The following PKD1L3 variants were observed in gnomAD, a reference collection of about 807,000 sequenced individuals.
PKD1L3 encodes the protein polycystin 1 like 3, transient receptor potential channel interacting, also known as polycystin-1-like protein 3.
A neutral mutation model predicts 184.1 loss-of-function variants in PKD1L3; 239 were observed. The ratio of observed to expected loss-of-function variants is 1.30; its 90% CI spans 1.17 to 1.45. The LOEUF (loss-of-function observed/expected upper bound fraction) is 1.45. PKD1L3 is among the 40% of genes most tolerant of loss of function. The pLI, the probability that PKD1L3 is intolerant of heterozygous loss-of-function variation, is 0.00. For missense variants in PKD1L3, 2,660 were observed against 2,067.2 expected (o/e 1.29, Z -5.56); for synonymous variants, 996 against 778.8 (o/e 1.28, Z -4.64).
chr16:71,986,476 G>T lies in PKD1L3; in HGVS notation c.586-7C>A. On this transcript the variant is annotated splice_region_variant and splice_polypyrimidine_tract_variant and intron_variant, in intron 4 of 29. Coordinates refer to ENST00000620267, the MANE Select transcript of PKD1L3 (RefSeq NM_181536.2). ...GATGACACAGGGTCTTGGACTAAAA[G>T]ATAAAAATATGTAAAGGAAAAGACT... The T allele has an allele frequency of 6.5e-7, 1 of 1,544,386 alleles. No individual in the cohort carries two copies. The highest frequency in any genetic ancestry group is 2.0e-5 in the Admixed American group (1 of 50,116).
intron 25 of PKD1L3, among the ~76,000 whole-genome samples, chr16:71,935,940 C>T (rs1209193007): frequency 1.3e-5 from 2 of 152,046 alleles, no homozygotes; most frequent in Non-Finnish European, 2.9e-5. Context: ...GGACCACGAG[C>T]ACATGCCACC....
In PKD1L3 at chr16:71,973,330, T is replaced by A. The variant is rs1415460574; in HGVS notation, c.1947A>T (p.Gly649=). The change falls in exon 12 of 30, where the codon GGA becomes GGT. Residue 649 remains glycine, a synonymous_variant. Coordinates refer to ENST00000620267, the MANE Select transcript of PKD1L3 (RefSeq NM_181536.2). ...EIHNQTWSSA[G]CQVGPQSTIL... ...AAGCGGCTCAGTTTCTTACTTGGCA[T>A]CCGGCGCTGCTCCATGTCTGGTTGT... The A allele has an allele frequency of 6.4e-7, 1 of 1,551,508 alleles. No homozygotes were observed. Among genetic ancestry groups the A allele is most frequent in the Non-Finnish European group, 8.7e-7 (1 of 1,146,994 alleles).
At chr16:71,979,764 T>A in intron 9 of PKD1L3, 22 bp downstream of exon 9, 1 of 1,477,872 alleles carries the variant, frequency 6.8e-7, no homozygotes, top group Non-Finnish European at 8.9e-7. Context: ...TTCATTCTGA[T>A]CACAATCAAT....
At chr16:71,963,109 A>G in intron 16 of PKD1L3, 96 bp downstream of exon 16, 1 of 1,268,890 alleles carries the variant, frequency 7.9e-7, no homozygotes, top group Non-Finnish European at 1.1e-6. Flanking sequence ...ATACATTAAT[A>G]AAATGTTAAT....
chr16:71,970,008 A>G lies in PKD1L3; in HGVS notation c.2051T>C (p.Val684Ala), dbSNP rs2039650341. 1.9e-6 allele frequency: 3 copies of G among 1,551,624 alleles called. No homozygotes were observed. Among genetic ancestry groups the G allele is most frequent in the Non-Finnish European group, 2.6e-6 (3 of 1,147,018 alleles). Residue 684 changes from valine to alanine, a missense_variant, in exon 13 of 30, where the codon GTT becomes GCT. Physicochemically the swap from Val to Ala is moderately conservative, Grantham distance 64. Coordinates refer to ENST00000620267, the MANE Select transcript of PKD1L3 (RefSeq NM_181536.2). ...AAGGAACAGTTTGATCGTGTCTTCA[A>G]CATTCACGGTCCTGGGCACGACAAA... ...DFFVVPRTVN[V>A]EDTIKLFLRV...
rs767911143 is a variant in PKD1L3, at chr16:71,986,429, A to T, written c.626T>A (p.Val209Glu). Residue 209 changes from valine (V) to glutamate (E), a missense_variant, in exon 5 of 30, where the codon GTA becomes GAA. Physicochemically the swap from Val to Glu is moderately radical, Grantham distance 121 (BLOSUM62 -2). Transcript: ENST00000620267. ...TACCTGTGATGTGATACTTGATAGT[A>T]CTGAAGGAAACTGGCTGATGGGATG... ...LCHPISQFPS[V>E]LSSITSQVTS... The T allele has an allele frequency of 6.4e-7, 1 of 1,551,930 alleles. No individual in the cohort carries two copies. Among genetic ancestry groups the T allele is most frequent in the South Asian group, 1.2e-5 (1 of 84,054 alleles).
intron 22 of PKD1L3, among the ~76,000 whole-genome samples, chr16:71,945,000 AAGC>A (rs1194474588): frequency 1.3e-5 from 2 of 151,560 alleles, no homozygotes; most frequent in Admixed American, 6.6e-5. Context: ...GAAAAAAATA[AAGC>A]AGAAGCATGC....
At chr16:71,996,184 T>C (rs1483980811) in intron 2 of PKD1L3, among the ~76,000 whole-genome samples, 1 of 151,630 alleles carries the variant, frequency 6.6e-6, no homozygotes, top group Non-Finnish European at 1.5e-5. Flanking sequence ...ATATGGACGC[T>C]GATACAGTCA....
At chr16:71,937,468 CTCT>C (rs769522332) in intron 24 of PKD1L3, 49 bp from the exon 25 acceptor site, 23 of 1,530,734 alleles carry the variant, frequency 1.5e-5, no homozygotes, top group Non-Finnish European at 4.4e-6. Flanking sequence ...AACTTTTGCC[CTCT>C]TCTTGTTAAA....
intron 2 of PKD1L3, among the ~76,000 whole-genome samples, chr16:71,995,041 T>C (rs2040736226): frequency 6.6e-6 from 1 of 152,142 alleles, no homozygotes; most frequent in Admixed American, 6.6e-5. Context: ...TTAGTCTGTT[T>C]TGCACTGCTA....
rs866693252 is a variant in PKD1L3 at position 71,941,938 on chromosome 16, G to C, written c.4324+622C>G. Among the ~76,000 whole-genome samples, 8 of 151,798 alleles carry C rather than the reference G, an allele frequency of 5.3e-5. No homozygotes were observed. In the South Asian group the frequency reaches 1.7e-3, roughly 32 times the overall value. ...CAAAGAAAAAAACCTAAAAACTTTT[G>C]GGGTTGGGGACTGGGAATCAGCATG... On this transcript the variant is annotated intron_variant, in intron 24 of 29. Transcript: ENST00000620267.
intron 21 of PKD1L3, among the ~76,000 whole-genome samples, chr16:71,948,985 A>T (rs563063657): frequency 2.1e-4 from 32 of 152,110 alleles, no homozygotes; most frequent in African/African-American, 7.2e-4. Context: ...GATACAGAAC[A>T]GTCTGTATCT....
rs1020364147 is a variant in PKD1L3, at chr16:71,935,524, C to A, written c.4453-6G>T. ...TGCTGTTTCAGCTGACAACCCTAAA[C>A]ATAGACAGCACAGTCACTGTTGCTT... is the stretch of plus-strand genomic sequence containing the variant. On this transcript the variant is annotated splice_polypyrimidine_tract_variant and splice_region_variant and intron_variant, in intron 25 of 29. Coordinates refer to ENST00000620267, the MANE Select transcript of PKD1L3 (RefSeq NM_181536.2). The A allele has an allele frequency of 1.9e-6, 3 of 1,551,718 alleles. No homozygotes were observed. The African/African-American group carries it at 4.1e-5, about 21-fold the overall frequency.
chr16:71,993,256 T>G lies in PKD1L3; in HGVS notation c.495A>C (p.Thr165=). The change falls in exon 3 of 30, where the codon ACA becomes ACC. Residue 165 remains threonine, a synonymous_variant. Coordinates refer to ENST00000620267, the MANE Select transcript of PKD1L3 (RefSeq NM_181536.2). ...NSHLYQRHKK[T]KRGVAIARDK... is the part of the protein sequence containing the mutation. ...CTCTTGCTATTGCAACTCCTCTTTT[T>G]GTCTTCTTGTGTCTCTGGTACAAAT... 1 of 1,550,928 alleles carries G rather than the reference T, an allele frequency of 6.4e-7. No individual in the cohort carries two copies.
intron 28 of PKD1L3, among the ~76,000 whole-genome samples, chr16:71,931,605 C>T (rs567755937): frequency 2.0e-4 from 31 of 151,480 alleles, no homozygotes; most frequent in South Asian, 8.4e-4. Flanking sequence ...GCTGGGATTA[C>T]AGGTTCCCAC....
intron 4 of PKD1L3, among the ~76,000 whole-genome samples, chr16:71,988,995 G>A (rs755512027): frequency 6.6e-6 from 1 of 152,098 alleles, no homozygotes; most frequent in Non-Finnish European, 1.5e-5. Context: ...TTTAAGAAAC[G>A]GTACCAAGGT....
chr16:71,996,786 T>G (rs1486362762), intron 2 of PKD1L3, among the ~76,000 whole-genome samples: 1 of 152,096 alleles, frequency 6.6e-6, no homozygotes. Flanking sequence ...TATTACTGAA[T>G]TGGACTCCAT....
chr16:71,959,921 C>G (rs575844779), intron 16 of PKD1L3, among the ~76,000 whole-genome samples: 2 of 152,192 alleles, frequency 1.3e-5, no homozygotes, highest in East Asian at 1.9e-4. Flanking sequence ...AGTTCAAGAA[C>G]TAGCTTGGGC....
intron 12 of PKD1L3, 135 bp from the exon 13 acceptor site, chr16:71,970,240 T>C: frequency 1.5e-6 from 1 of 689,622 alleles, no homozygotes; most frequent in Non-Finnish European, 2.4e-6. Context: ...ATGGCGTAAA[T>C]TGGTATAACC....
Sources: allele counts gnomAD v4.1 joint callset (sites outside exome capture counted in the v4.1 genomes callset), GRCh38; gene constraint gnomAD v4.1.1; transcripts MANE v1.5; gene names NCBI Gene and HGNC (gene_info 2026-07-23, HGNC 2026-07-21).